RERE: variants seen among roughly 807,000 people sequenced by gnomAD.
RERE encodes arginine-glutamic acid dipeptide repeats.
In RERE, 40 loss-of-function variants were observed where a neutral mutation model predicts 146.1. The observed-to-expected ratio is 0.27, with a 90% CI of 0.21 to 0.36. RERE has a LOEUF of 0.36. RERE is among the 10% of genes least tolerant of loss of function. RERE has a pLI of 1.00. For synonymous variants in RERE, 1,003 were observed against 866.0 expected (o/e 1.16, Z -2.78); for missense variants, 1,933 against 2,138.7 (o/e 0.90, Z 1.90).
chr1:8,696,637 C>T (rs1403128810), intron 1 of RERE, among the ~76,000 whole-genome samples: 4 of 151,956 alleles, frequency 2.6e-5, no homozygotes, highest in Non-Finnish European at 4.4e-5. Flanking sequence ...AGGCTGGGCG[C>T]GGTGGTTCAC....
chr1:8,632,676 C>T (rs1306066133), intron 2 of RERE, among the ~76,000 whole-genome samples: 1 of 152,152 alleles, frequency 6.6e-6, no homozygotes, highest in African/African-American at 2.4e-5. Flanking sequence ...TTCCACAGTC[C>T]AAGCATCAAG....
intron 12 of RERE, among the ~76,000 whole-genome samples, chr1:8,401,470 G>A (rs1202901229): frequency 2.0e-5 from 3 of 151,764 alleles, no homozygotes; most frequent in South Asian, 4.2e-4. Context: ...AATAAATATC[G>A]GGTCTATAAC....
At chr1:8,373,282 G>A (rs1242663871) in intron 12 of RERE, among the ~76,000 whole-genome samples, 1 of 151,988 alleles carries the variant, frequency 6.6e-6, no homozygotes, top group East Asian at 1.9e-4. Flanking sequence ...CTTAACTCTC[G>A]GTGCTAATGT....
intron 4 of RERE, among the ~76,000 whole-genome samples, chr1:8,562,195 T>G (rs1646086605): frequency 6.6e-6 from 1 of 152,194 alleles, no homozygotes; most frequent in African/African-American, 2.4e-5. Context: ...TTTCTAAGAT[T>G]CAAAATTATG....
chr1:8,395,683 A>G (rs1643031078), intron 12 of RERE, among the ~76,000 whole-genome samples: 1 of 152,142 alleles, frequency 6.6e-6, no homozygotes. Flanking sequence ...CCTTTTTGTA[A>G]ACAGGTTAAT....
intron 1 of RERE, chr1:8,805,896 G>A (rs1034286394): frequency 7.2e-6 from 1 of 138,012 alleles, no homozygotes; most frequent in African/African-American, 2.7e-5. Context: ...TTGTTTTCCA[G>A]GCTGGAGTGC....
At chr1:8,677,049 C>T (rs1180060467) in intron 1 of RERE, among the ~76,000 whole-genome samples, 1 of 152,148 alleles carries the variant, frequency 6.6e-6, no homozygotes, top group Non-Finnish European at 1.5e-5. Context: ...TTGAGCTCAC[C>T]CTTTCACCTT....
intron 2 of RERE, among the ~76,000 whole-genome samples, chr1:8,650,348 G>C (rs758080033): frequency 2.0e-5 from 3 of 152,154 alleles, no homozygotes; most frequent in Admixed American, 2.0e-4. Context: ...GTGACATTTC[G>C]AGAGGTCCCT....
At chr1:8,766,546 CAAAAAAAA>C (rs60530407) in intron 1 of RERE, among the ~76,000 whole-genome samples, 3 of 66,022 alleles carry the variant, frequency 4.5e-5, no homozygotes, top group Admixed American at 1.6e-4. Context: ...GACTCCATTG[CAAAAAAAA>C]AAAAAAAAAG....
At chr1:8,761,133 T>G (rs1489784509) in intron 1 of RERE, among the ~76,000 whole-genome samples, 2 of 152,098 alleles carry the variant, frequency 1.3e-5, no homozygotes, top group Non-Finnish European at 2.9e-5. Flanking sequence ...AGAATCAAAA[T>G]GAAAGAACCT....
intron 7 of RERE, among the ~76,000 whole-genome samples, chr1:8,538,268 C>T (rs558622996): frequency 6.6e-6 from 1 of 152,314 alleles, no homozygotes; most frequent in East Asian, 1.9e-4. Flanking sequence ...GCATACAGTA[C>T]ACTATGTAGC....
chr1:8,463,798 C>T (rs1644558692), intron 11 of RERE, among the ~76,000 whole-genome samples: 1 of 152,138 alleles, frequency 6.6e-6, no homozygotes, highest in Non-Finnish European at 1.5e-5. Flanking sequence ...TGGCCAGGAA[C>T]TGAGGGAAAT....
rs554936126 is a variant in RERE at position 8,685,903 on chromosome 1, A to G, written c.-144-29462T>C. ...GCTTACTGGACATGTGAGTGGAGCT[A>G]TATCTTCTGAGTGGAGATACAAGGA... On this transcript the variant is annotated intron_variant, in intron 1 of 22. Coordinates refer to ENST00000400908, the MANE Select transcript of RERE (RefSeq NM_001042681.2). 5.7e-4 allele frequency among the ~76,000 whole-genome samples: 86 copies of G among 152,106 alleles called. 1 individual carries two copies. The highest frequency in any genetic ancestry group is 1.1e-3 in the Non-Finnish European group (75 of 68,024).
At chr1:8,373,242 A>C (rs1394020746) in intron 12 of RERE, among the ~76,000 whole-genome samples, 3 of 152,212 alleles carry the variant, frequency 2.0e-5, no homozygotes, top group Non-Finnish European at 2.9e-5. Context: ...TGAATACAGA[A>C]GGAGCAGCTA....
rs555307305 is a variant in RERE, at chr1:8,404,542, G to A, written c.1284+18185C>T. On this transcript the variant is annotated intron_variant, in intron 12 of 22. Transcript: ENST00000400908. Reference sequence around the variant, plus strand: ...CAAAGTGCTGAGACTACAGGTTCGTGAGCCTGGCCAAAATCTTAGCTTTTA... The same window carrying A: ...CAAAGTGCTGAGACTACAGGTTCGTAAGCCTGGCCAAAATCTTAGCTTTTA... Among the ~76,000 whole-genome samples the A allele has an allele frequency of 3.5e-4, 54 of 152,298 alleles. 2 individuals carry two copies. The South Asian group carries it at 0.011, about 31-fold the overall frequency.
intron 1 of RERE, among the ~76,000 whole-genome samples, chr1:8,697,703 T>A (rs1371174122): frequency 3.3e-5 from 5 of 152,214 alleles, no homozygotes; most frequent in Non-Finnish European, 7.4e-5. Flanking sequence ...CACACAACTT[T>A]CTAAAGTTCC....
chr1:8,570,137 G>C (rs1646201852), intron 4 of RERE, among the ~76,000 whole-genome samples: 1 of 152,022 alleles, frequency 6.6e-6, no homozygotes, highest in Admixed American at 6.6e-5. Context: ...AAGAGATCGA[G>C]ACCATCCTGG....
At chr1:8,699,459 T>C (rs1264167598) in intron 1 of RERE, among the ~76,000 whole-genome samples, 1 of 152,236 alleles carries the variant, frequency 6.6e-6, no homozygotes, top group Non-Finnish European at 1.5e-5. Flanking sequence ...CATTATTCTG[T>C]TTTATTACAA....
rs1641228656 is a variant in RERE at position 8,784,623 on chromosome 1, T to G, written c.-145+32537A>C. Among the ~76,000 whole-genome samples the G allele has an allele frequency of 2.6e-5, 4 of 152,178 alleles. No individual in the cohort carries two copies. In the South Asian group the frequency reaches 8.3e-4, roughly 32 times the overall value. ...ACAGAATTCACAGTTTTTATCAGAT[T>G]AATGAAGTGATCTGCTACCCAAAAA... On this transcript the variant is annotated intron_variant, in intron 1 of 22. Transcript: ENST00000400908.
Sources: gnomAD v4.1 joint callset for allele counts (sites outside exome capture counted in the v4.1 genomes callset) on GRCh38, gnomAD v4.1.1 for gene constraint, MANE v1.5 for transcripts, NCBI Gene and HGNC (gene_info 2026-07-23, HGNC 2026-07-21) for gene names.